Variants in FLVCR1 observed in about 807,000 individuals in gnomAD.
FLVCR1 encodes the protein choline/ethanolamine transporter FLVCR1.
FLVCR1 carries 34 observed loss-of-function variants against 53.6 expected under a neutral mutation model. The ratio of observed to expected loss-of-function variants is 0.63; its 90% CI spans 0.48 to 0.84. The LOEUF is 0.84. FLVCR1 is among the 40% of genes least tolerant of loss of function. The pLI, the probability that FLVCR1 is intolerant of heterozygous loss-of-function variation, is 0.00. For missense variants in FLVCR1, 677 were observed against 696.7 expected (o/e 0.97, Z 0.32); for synonymous variants, 300 against 286.3 (o/e 1.05, Z -0.48).
intron 3 of FLVCR1, among the ~76,000 whole-genome samples, chr1:212,877,058 G>T (rs1332887422): frequency 6.6e-6 from 1 of 150,928 alleles, no homozygotes; most frequent in Non-Finnish European, 1.5e-5. Context: ...ATCTCATTGT[G>T]GTTTTGATTT....
intron 5 of FLVCR1, among the ~76,000 whole-genome samples, chr1:212,886,313 GATTACAGGC>G (rs1156762627): frequency 1.3e-5 from 2 of 151,898 alleles, no homozygotes; most frequent in Non-Finnish European, 2.9e-5. Context: ...AAAGTGCTGG[GATTACAGGC>G]ATGAGCCACT....
intron 3 of FLVCR1, among the ~76,000 whole-genome samples, chr1:212,874,616 C>T (rs756863285): frequency 6.8e-6 from 1 of 147,548 alleles, no homozygotes; most frequent in Non-Finnish European, 1.5e-5. Context: ...GCAACCTCCA[C>T]CTCTCAGGTT....
rs41300959 is a variant in FLVCR1, at chr1:212,887,408, C to T, written c.1197-483C>T. Among the ~76,000 whole-genome samples the T allele has an allele frequency of 3.8e-3, 579 of 152,200 alleles. 9 individuals are homozygous for T. The highest frequency in any genetic ancestry group is 0.013 in the African/African-American group (555 of 41,528). On this transcript the variant is annotated intron_variant, in intron 5 of 9. Transcript: ENST00000366971. Reference sequence around the variant, plus strand: ...AAATTATGGCTGGCATTATGTGATCCCTGTTCTTAAGATGTTTGTGGTCTA... The same window carrying T: ...AAATTATGGCTGGCATTATGTGATCTCTGTTCTTAAGATGTTTGTGGTCTA...
chr1:212,893,062 T>TTTG (rs1300382414), intron 8 of FLVCR1, among the ~76,000 whole-genome samples: 2 of 124,636 alleles, frequency 1.6e-5, no homozygotes, highest in Non-Finnish European at 3.3e-5. Context: ...GCTTCTTTTT[T>TTTG]TTTGGGGGGG....
rs1336867173 is a variant in FLVCR1 at position 212,858,796 on chromosome 1, G to A, written c.344G>A (p.Ser115Asn). 6.2e-7 allele frequency: 1 copy of A among 1,614,206 alleles called. No homozygotes were observed. The highest frequency in any genetic ancestry group is 1.3e-5 in the African/African-American group (1 of 75,072). The change falls in exon 1 of 10, where the codon AGC (serine) becomes AAC (asparagine). Residue 115 changes from serine to asparagine, a missense_variant. Transcript: ENST00000366971. ...PRRFVVLLIF[S>N]LYSLVNAFQW... ...CGCTTCGTGGTGCTCCTGATCTTCA[G>A]CCTGTACTCGCTGGTCAACGCCTTT...
intron 3 of FLVCR1, among the ~76,000 whole-genome samples, chr1:212,878,756 A>T (rs1664839167): frequency 6.6e-6 from 1 of 152,140 alleles, no homozygotes; most frequent in African/African-American, 2.4e-5. Flanking sequence ...TCATAGAGAA[A>T]ATTAGAAAAC....
intron 8 of FLVCR1, among the ~76,000 whole-genome samples, chr1:212,892,759 C>T (rs1665225413): frequency 6.6e-6 from 1 of 152,080 alleles, no homozygotes; most frequent in Non-Finnish European, 1.5e-5. Flanking sequence ...ATAATTATTC[C>T]TCTCTTGGAT....
At chr1:212,863,309 A>G (rs1664301588) in intron 1 of FLVCR1, among the ~76,000 whole-genome samples, 1 of 152,206 alleles carries the variant, frequency 6.6e-6, no homozygotes, top group African/African-American at 2.4e-5. Context: ...ATAGTAGTTT[A>G]GGCTGGGTGC....
intron 1 of FLVCR1, 45 bp downstream of exon 1, chr1:212,859,235 G>C (rs757745569): frequency 1.2e-6 from 2 of 1,613,420 alleles, no homozygotes; most frequent in African/African-American, 2.7e-5. Flanking sequence ...TTAAAAGACC[G>C]GAAAAAGTCA....
At chr1:212,876,594 G>A (rs1664759273) in intron 3 of FLVCR1, among the ~76,000 whole-genome samples, 2 of 152,108 alleles carry the variant, frequency 1.3e-5, no homozygotes, top group South Asian at 4.1e-4. Flanking sequence ...TCGAACTCCT[G>A]ACCTCAGGTG....
Position 212,895,368 on chromosome 1 carries a change from C to A in FLVCR1, c.*78C>A. On this transcript the variant is annotated 3_prime_UTR_variant, in exon 10 of 10. Transcript: ENST00000366971. ...TTGGAGAGAGATGTGAGCACCAAGG[C>A]TGGGTTTGTATGTGGTGGGGGAATA... 1 of 1,110,254 alleles carries A rather than the reference C, an allele frequency of 9.0e-7. No individual in the cohort carries two copies. The highest frequency in any genetic ancestry group is 1.4e-6 in the Non-Finnish European group (1 of 722,510). The allele number at this position is 1,110,254 out of a possible 1,614,324, so 68.8% of individuals were successfully genotyped here. A position where few individuals can be genotyped will look rare whatever the true frequency, so the allele number is the denominator to read the frequency against.
intron 1 of FLVCR1, among the ~76,000 whole-genome samples, chr1:212,859,534 A>G (rs956134228): frequency 2.0e-5 from 3 of 152,138 alleles, no homozygotes; most frequent in African/African-American, 7.2e-5. Context: ...CCTGGGCAAC[A>G]TGGGGAAACC....
chr1:212,888,332 A>G (rs1220436025), intron 6 of FLVCR1, among the ~76,000 whole-genome samples, 157 bp from the exon 7 acceptor site: 5 of 152,200 alleles, frequency 3.3e-5, no homozygotes, highest in Non-Finnish European at 7.3e-5. Context: ...CCTTGAGCTG[A>G]TTGGTCAATG....
At chr1:212,889,320 C>A in intron 8 of FLVCR1, 63 bp downstream of exon 8, 1 of 1,005,556 alleles carries the variant, frequency 9.9e-7, no homozygotes, top group Non-Finnish European at 1.6e-6. Context: ...ATATATATTG[C>A]TTCTCAATAG....
intron 2 of FLVCR1, among the ~76,000 whole-genome samples, chr1:212,867,808 T>C (rs1367701113): frequency 6.7e-6 from 1 of 150,040 alleles, no homozygotes; most frequent in East Asian, 1.9e-4. Flanking sequence ...ATTTTACTTT[T>C]TTTTTTTTTT....
chr1:212,860,568 G>A (rs775879455), intron 1 of FLVCR1, among the ~76,000 whole-genome samples: 26 of 151,942 alleles, frequency 1.7e-4, no homozygotes, highest in Non-Finnish European at 3.5e-4. Context: ...ATCCCATTTA[G>A]AGTTGCCCAG....
chr1:212,892,196 T>C (rs541346044), intron 8 of FLVCR1, among the ~76,000 whole-genome samples: 1 of 152,334 alleles, frequency 6.6e-6, no homozygotes, highest in East Asian at 1.9e-4. Flanking sequence ...AGATGATTGA[T>C]GAAGGTGGCT....
Position 212,858,730 on chromosome 1 carries a change from C to T in FLVCR1, c.278C>T (p.Ala93Val). 6.2e-7 allele frequency: 1 copy of T among 1,609,516 alleles called. No individual in the cohort carries two copies. Among genetic ancestry groups the T allele is most frequent in the African/African-American group, 1.3e-5 (1 of 74,994 alleles). The change falls in exon 1 of 10, where the codon GCC becomes GTC. Residue 93 changes from alanine (A) to valine (V), a missense_variant. Transcript: ENST00000366971. The part of the protein sequence containing the change: ...PAGAGAETPG[A>V]ESSPLPLTAL... ...GGCGCGGGAGCTGAGACCCCGGGGG[C>T]CGAGAGCAGCCCGCTGCCCCTTACG...
At chr1:212,875,487 G>C (rs1664726821) in intron 3 of FLVCR1, among the ~76,000 whole-genome samples, 1 of 152,106 alleles carries the variant, frequency 6.6e-6, no homozygotes, top group Non-Finnish European at 1.5e-5. Context: ...GGTGTTAGAT[G>C]GTGCCTTCAG....
Sources: allele counts gnomAD v4.1 joint callset (sites outside exome capture counted in the v4.1 genomes callset), GRCh38; gene constraint gnomAD v4.1.1; transcripts MANE v1.5; gene names NCBI Gene and HGNC (gene_info 2026-07-23, HGNC 2026-07-21).